The following TAFA5 variants were observed in gnomAD, a reference collection of about 807,000 sequenced individuals.
TAFA5 encodes chemokine-like protein TAFA-5.
A neutral mutation model predicts 15.3 loss-of-function variants in TAFA5; 6 were observed. That is an observed-to-expected ratio of 0.39 (90% confidence interval 0.21 to 0.77). TAFA5 has a LOEUF of 0.77. Among genes scored for constraint, TAFA5 ranks in the 30% least tolerant of loss-of-function variants. The pLI, the probability that TAFA5 is intolerant of heterozygous loss-of-function variation, is 0.41. For synonymous variants in TAFA5, 103 were observed against 80.7 expected, an observed-to-expected ratio of 1.28 and a Z score of -1.48; for missense variants, 161 against 193.1, an observed-to-expected ratio of 0.83 and a Z score of 0.98.
intron 3 of TAFA5, among the ~76,000 whole-genome samples, chr22:48,708,716 G>A (rs942082473): frequency 5.3e-5 from 8 of 152,220 alleles, no homozygotes; most frequent in African/African-American, 1.9e-4. Flanking sequence ...ACGGATCCGG[G>A]CTCCACGCTC....
intron 3 of TAFA5, among the ~76,000 whole-genome samples, chr22:48,721,839 C>A (rs759395478): frequency 6.6e-6 from 1 of 152,108 alleles, no homozygotes; most frequent in Non-Finnish European, 1.5e-5. Context: ...CGTGGTGGCA[C>A]GCACCTGTGA....
chr22:48,541,175 T>C (rs968199458), intron 1 of TAFA5, among the ~76,000 whole-genome samples: 2 of 152,074 alleles, frequency 1.3e-5, no homozygotes, highest in African/African-American at 2.4e-5. Context: ...GACCCTGTCC[T>C]CCCGGGGCGT....
chr22:48,612,286 C>T (rs1018783539), intron 1 of TAFA5, among the ~76,000 whole-genome samples: 3 of 152,218 alleles, frequency 2.0e-5, no homozygotes, highest in African/African-American at 4.8e-5. Context: ...CAGCACAGGG[C>T]GGCTCACTTG....
rs1191241345 is a variant in TAFA5, at chr22:48,575,915, G to A, written c.113-70682G>A. On this transcript the variant is annotated intron_variant, in intron 1 of 3. Transcript: ENST00000402357. ...GGCGCGGCGGCCCCCTGAGCCCCGGGCCGGAGCGAGCGCGGGCGGCGGAGG... is the reference window on the plus strand; with the variant it reads ...GGCGCGGCGGCCCCCTGAGCCCCGGACCGGAGCGAGCGCGGGCGGCGGAGG... Among the ~76,000 whole-genome samples the A allele has an allele frequency of 2.1e-5, 3 of 143,478 alleles. No homozygotes were observed. In the East Asian group the frequency reaches 6.3e-4, roughly 30 times the overall value. The allele number at this position is 143,478 out of a possible 152,430, so 94.1% of individuals were successfully genotyped here. A position where few individuals can be genotyped will look rare whatever the true frequency, so the allele number is the denominator to read the frequency against.
intron 2 of TAFA5, among the ~76,000 whole-genome samples, chr22:48,665,244 CAT>C (rs1166385267): frequency 6.6e-6 from 1 of 152,168 alleles, no homozygotes; most frequent in African/African-American, 2.4e-5. Flanking sequence ...GTCTTCCACT[CAT>C]GTTTATTGAG....
chr22:48,733,617 TA>T (rs1426107414), intron 3 of TAFA5, among the ~76,000 whole-genome samples: 1 of 152,220 alleles, frequency 6.6e-6, no homozygotes, highest in Non-Finnish European at 1.5e-5. Context: ...CCTTGGAAAC[TA>T]ATAAGATTTC....
intron 1 of TAFA5, among the ~76,000 whole-genome samples, chr22:48,525,507 C>A (rs1288783653): frequency 1.3e-5 from 2 of 152,104 alleles, no homozygotes; most frequent in Non-Finnish European, 2.9e-5. Context: ...GCCCCTTCCC[C>A]CTCCCGGCTG....
At chr22:48,719,643 GGGGT>G (rs1929509703) in intron 3 of TAFA5, among the ~76,000 whole-genome samples, 1 of 152,220 alleles carries the variant, frequency 6.6e-6, no homozygotes, top group African/African-American at 2.4e-5. Context: ...AGACGGCGCA[GGGGT>G]GGGTACTTGG....
At chr22:48,586,875 C>A (rs553497448) in intron 1 of TAFA5, among the ~76,000 whole-genome samples, 61 of 152,348 alleles carry the variant, frequency 4.0e-4, no homozygotes, top group African/African-American at 1.4e-3. Context: ...TGCCCCATGT[C>A]CCCTGGATGG....
rs988073016 is a variant in TAFA5 at position 48,511,504 on chromosome 22, G to T, written c.112+21800G>T. Among the ~76,000 whole-genome samples, 5 of 152,196 alleles carry T rather than the reference G, an allele frequency of 3.3e-5. No homozygotes were observed. The East Asian group carries it at 9.6e-4, about 29-fold the overall frequency. ...TGTTGGAAAATGTCCTTCAGTCAGC[G>T]CCACACTGCAGGTCTGCAGAAAGCC... On this transcript the variant is annotated intron_variant, in intron 1 of 3. Transcript: ENST00000402357.
chr22:48,731,035 A>C (rs1167320273), intron 3 of TAFA5, among the ~76,000 whole-genome samples: 2 of 152,212 alleles, frequency 1.3e-5, no homozygotes, highest in Non-Finnish European at 2.9e-5. Context: ...CAAAGGATAA[A>C]TTATTGAAGA....
At chr22:48,662,376 C>A (rs1050969882) in intron 2 of TAFA5, among the ~76,000 whole-genome samples, 2 of 152,180 alleles carry the variant, frequency 1.3e-5, no homozygotes, top group African/African-American at 4.8e-5. Flanking sequence ...CTACAAAAAT[C>A]TCTCTGCTGC....
intron 2 of TAFA5, among the ~76,000 whole-genome samples, chr22:48,673,662 AT>A (rs747345980): frequency 2.6e-5 from 4 of 152,132 alleles, no homozygotes; most frequent in Non-Finnish European, 4.4e-5. Context: ...CAAATGGATC[AT>A]TTGAGGCTTG....
At chr22:48,683,413 C>T (rs1470922679) in intron 2 of TAFA5, among the ~76,000 whole-genome samples, 1 of 152,252 alleles carries the variant, frequency 6.6e-6, no homozygotes, top group Non-Finnish European at 1.5e-5. Flanking sequence ...GCCCAGTGCT[C>T]AGTTGCCACT....
At chr22:48,503,322 A>C (rs1487655176) in intron 1 of TAFA5, among the ~76,000 whole-genome samples, 2 of 152,220 alleles carry the variant, frequency 1.3e-5, no homozygotes, top group Admixed American at 6.5e-5. Flanking sequence ...GTGCATGGGA[A>C]GCCACTGACT....
chr22:48,529,433 G>A (rs1462418462), intron 1 of TAFA5, among the ~76,000 whole-genome samples: 5 of 77,034 alleles, frequency 6.5e-5, no homozygotes, highest in Non-Finnish European at 7.6e-5. Context: ...GCAGGAGATG[G>A]GGGTGTCCAG....
chr22:48,696,886 G>C (rs547335829), intron 2 of TAFA5, among the ~76,000 whole-genome samples: 2 of 152,238 alleles, frequency 1.3e-5, no homozygotes, highest in South Asian at 4.1e-4. Flanking sequence ...CCTAGGATAC[G>C]AGGAGGGAGC....
At chr22:48,567,197 G>A (rs1297507815) in intron 1 of TAFA5, among the ~76,000 whole-genome samples, 2 of 152,242 alleles carry the variant, frequency 1.3e-5, no homozygotes, top group African/African-American at 2.4e-5. Flanking sequence ...ACACAAAAAT[G>A]TGTTTGCTTC....
chr22:48,690,582 G>C (rs887783837), intron 2 of TAFA5, among the ~76,000 whole-genome samples: 11 of 152,198 alleles, frequency 7.2e-5, no homozygotes, highest in Non-Finnish European at 1.3e-4. Flanking sequence ...CCTGCCTGCT[G>C]TGCTGTCACC....
Sources: gnomAD v4.1 joint callset for allele counts (sites outside exome capture counted in the v4.1 genomes callset) on GRCh38, gnomAD v4.1.1 for gene constraint, MANE v1.5 for transcripts, NCBI Gene and HGNC (gene_info 2026-07-23, HGNC 2026-07-21) for gene names.